The following CACNG5 variants were observed in gnomAD, a reference collection of about 807,000 sequenced individuals.
CACNG5 encodes calcium voltage-gated channel auxiliary subunit gamma 5.
In CACNG5, 18 loss-of-function variants were observed where a neutral mutation model predicts 24.8. The observed-to-expected ratio is 0.73, with a 90% CI of 0.50 to 1.08. The LOEUF (loss-of-function observed/expected upper bound fraction) is 1.08. Ranked by LOEUF, CACNG5 falls within the 50% of genes least tolerant of loss-of-function variation. The pLI, the probability that CACNG5 is intolerant of heterozygous loss-of-function variation, is 0.00. For missense variants in CACNG5, 349 were observed against 367.9 expected (o/e 0.95, Z 0.42); for synonymous variants, 157 against 149.1 (o/e 1.05, Z -0.39).
chr17:66,880,558 G>A lies in CACNG5; in HGVS notation c.285G>A (p.Lys95=), dbSNP rs1231198088. 8 of 1,614,196 alleles carry A rather than the reference G, an allele frequency of 5.0e-6. No individual in the cohort carries two copies. Among genetic ancestry groups the A allele is most frequent in the Non-Finnish European group, 6.8e-6 (8 of 1,180,030 alleles). The change falls in exon 4 of 6, where the codon AAG becomes AAA. Residue 95 remains lysine (K), a splice_region_variant and synonymous_variant. Coordinates refer to ENST00000533854, the MANE Select transcript of CACNG5 (RefSeq NM_145811.3). The stretch of plus-strand genomic sequence containing the variant: ...CCGCCCTTTTGTCCCGTTAATTAGA[G>A]ATGATCCGCTCAGCCACACCATTCC... ...LTSESTVNVL[K]MIRSATPFPL... is the part of the protein sequence containing the mutation.
chr17:66,875,729 T>C (rs1252987264), intron 1 of CACNG5, among the ~76,000 whole-genome samples: 1 of 152,244 alleles, frequency 6.6e-6, no homozygotes, highest in Non-Finnish European at 1.5e-5. Context: ...GAAGCACTGC[T>C]GCACCTCTTT....
At chr17:66,877,665 G>T in intron 2 of CACNG5, 137 bp downstream of exon 2, 1 of 713,298 alleles carries the variant, frequency 1.4e-6, no homozygotes. Flanking sequence ...ATGGCGGGTG[G>T]TGCTCCCTGC....
intron 1 of CACNG5, among the ~76,000 whole-genome samples, chr17:66,840,115 G>A (rs562429376): frequency 4.6e-5 from 7 of 152,246 alleles, no homozygotes; most frequent in East Asian, 1.9e-4. Flanking sequence ...TCCGCTTTGC[G>A]GGGCTTTTGT....
At chr17:66,862,345 T>C (rs1239676599) in intron 1 of CACNG5, among the ~76,000 whole-genome samples, 4 of 151,278 alleles carry the variant, frequency 2.6e-5, no homozygotes, top group Non-Finnish European at 5.9e-5. Context: ...CACGCCCAGC[T>C]ATGAATCCAA....
At chr17:66,881,574 G>A (rs186139996) in intron 4 of CACNG5, among the ~76,000 whole-genome samples, 105 of 152,182 alleles carry the variant, frequency 6.9e-4, no homozygotes, top group Non-Finnish European at 1.2e-3. Flanking sequence ...TATCTTCCAG[G>A]CCTTATTCTG....
chr17:66,884,213 G>A (rs1172138043), intron 4 of CACNG5, among the ~76,000 whole-genome samples: 1 of 152,138 alleles, frequency 6.6e-6, no homozygotes, highest in Non-Finnish European at 1.5e-5. Context: ...AATGTCCAGA[G>A]CTGGGGCTCA....
rs538378718 is a variant in CACNG5, at chr17:66,884,274, C to T, written c.425-242C>T. Among the ~76,000 whole-genome samples the T allele has an allele frequency of 2.0e-5, 3 of 152,334 alleles. No homozygotes were observed. In the East Asian group the frequency reaches 5.8e-4, roughly 29 times the overall value. ...AGGGTGAGAACCACCGGGCTTAGCC[C>T]ATGGCTTAGGAGGGCAGCTATATAG... is the stretch of plus-strand genomic sequence containing the variant. On this transcript the variant is annotated intron_variant, in intron 4 of 5. Transcript: ENST00000533854.
intron 5 of CACNG5, 59 bp downstream of exon 5, chr17:66,884,720 G>A (rs533240370): frequency 8.1e-6 from 13 of 1,614,114 alleles, no homozygotes; most frequent in Admixed American, 3.3e-5. Flanking sequence ...CCACTGAGCC[G>A]GGGAGAGTGG....
intron 1 of CACNG5, among the ~76,000 whole-genome samples, chr17:66,854,924 G>A (rs374322271): frequency 1.4e-4 from 21 of 152,140 alleles, no homozygotes; most frequent in Admixed American, 5.9e-4. Flanking sequence ...CCATATCACC[G>A]GCAATCATAG....
rs575350113 is a variant in CACNG5 at position 66,875,659 on chromosome 17, AC to A, written c.-103-1569del. On this transcript the variant is annotated intron_variant, in intron 1 of 5. Transcript: ENST00000533854. ...CCTCAAATCTCAACTGGAACATGAT[AC>A]CATCCCTGGGGCAGGGCCCTAGGAC... Among the ~76,000 whole-genome samples, 57 of 152,332 alleles carry A rather than the reference AC, an allele frequency of 3.7e-4. 3 individuals carry two copies. The South Asian group carries it at 0.012, about 32-fold the overall frequency.
At chr17:66,855,787 G>A (rs762478028) in intron 1 of CACNG5, among the ~76,000 whole-genome samples, 52 of 152,238 alleles carry the variant, frequency 3.4e-4, no homozygotes, top group Admixed American at 1.4e-3. Flanking sequence ...GTGAGCCACC[G>A]CACCCGGCCA....
In CACNG5 at chr17:66,879,035, C is replaced by T. The variant is rs1333514121; in HGVS notation, c.260C>T (p.Ser87Phe). ...YVMPMNTQLT[S>F]ESTVNVLKMI... ...ATGCCCATGAACACCCAGCTGACAT[C>T]CGAGTCCACGGTCAATGTTCTAAGT... Residue 87 changes from serine (S) to phenylalanine (F), a missense_variant, in exon 3 of 6, where the codon TCC becomes TTC. Physicochemically the swap from Ser to Phe is radical, Grantham distance 155. Transcript: ENST00000533854. The T allele has an allele frequency of 6.2e-7, 1 of 1,613,904 alleles. No homozygotes were observed. The highest frequency in any genetic ancestry group is 8.5e-7 in the Non-Finnish European group (1 of 1,179,944).
Position 66,887,913 on chromosome 17 carries a change from G to A in CACNG5, c.*2673G>A, listed in dbSNP as rs79964645. ...CCTTTCTGTCTATAAATTCATCTCC[G>A]AATCAGGGCCTAGTTGCAGCCTCTC... is the stretch of plus-strand genomic sequence containing the variant. On this transcript the variant is annotated 3_prime_UTR_variant, in exon 6 of 6. Transcript: ENST00000533854. Among the ~76,000 whole-genome samples the A allele has an allele frequency of 5.6e-3, 852 of 152,204 alleles. 54 individuals carry two copies. The East Asian group carries it at 0.12, about 21-fold the overall frequency.
intron 1 of CACNG5, among the ~76,000 whole-genome samples, chr17:66,872,923 G>A (rs892881755): frequency 6.6e-6 from 1 of 152,188 alleles, no homozygotes; most frequent in Non-Finnish European, 1.5e-5. Context: ...TAGATAGCCT[G>A]AGTGACCTAC....
At chr17:66,843,691 G>A (rs149542724) in intron 1 of CACNG5, among the ~76,000 whole-genome samples, 18 of 152,212 alleles carry the variant, frequency 1.2e-4, no homozygotes, top group Non-Finnish European at 1.8e-4. Flanking sequence ...TCCATGAGCC[G>A]TTCGTGGGTG....
chr17:66,863,191 T>A (rs948190088), intron 1 of CACNG5, among the ~76,000 whole-genome samples: 2 of 152,184 alleles, frequency 1.3e-5, no homozygotes, highest in African/African-American at 4.8e-5. Flanking sequence ...TGATAAGTTA[T>A]GTGTCTATCA....
chr17:66,862,155 T>C (rs529654522), intron 1 of CACNG5, among the ~76,000 whole-genome samples: 6 of 152,230 alleles, frequency 3.9e-5, no homozygotes, highest in Middle Eastern at 3.4e-3. Context: ...GAGTCATTAA[T>C]TGGAGGAGCA....
intron 1 of CACNG5, among the ~76,000 whole-genome samples, chr17:66,849,588 C>T (rs895395881): frequency 2.0e-5 from 3 of 152,184 alleles, no homozygotes; most frequent in Non-Finnish European, 4.4e-5. Context: ...AATGGCTGAA[C>T]ACAGGTGGGG....
rs1977319278 is a variant in CACNG5, at chr17:66,889,975, C to T, written c.*4735C>T. Among the ~76,000 whole-genome samples, 1 of 152,180 alleles carries T rather than the reference C, an allele frequency of 6.6e-6. No individual in the cohort carries two copies. Among genetic ancestry groups the T allele is most frequent in the Admixed American group, 6.5e-5 (1 of 15,278 alleles). On this transcript the variant is annotated 3_prime_UTR_variant, in exon 6 of 6. Transcript: ENST00000533854. ...CACCTAAGGCCTGAGCAAATTGGCA[C>T]CTGGGCTCTGTTCCTTCACCAGCTG... is the stretch of plus-strand genomic sequence containing the variant.
Sources: gnomAD v4.1 joint callset for allele counts (sites outside exome capture counted in the v4.1 genomes callset) on GRCh38, gnomAD v4.1.1 for gene constraint, MANE v1.5 for transcripts, NCBI Gene and HGNC (gene_info 2026-07-23, HGNC 2026-07-21) for gene names.